The following CCDC93 variants were observed in gnomAD, a reference collection of about 807,000 sequenced individuals.
The protein encoded by CCDC93 is CCC complex scaffolding subunit CCDC93.
CCDC93 carries 61 observed loss-of-function variants against 108.2 expected under a neutral mutation model. The observed-to-expected ratio is 0.56, with a 90% CI of 0.46 to 0.70. The LOEUF is 0.70. CCDC93 is among the 30% of genes least tolerant of loss of function. The pLI, the probability that CCDC93 is intolerant of heterozygous loss-of-function variation, is 0.00. For missense variants in CCDC93, 685 were observed against 764.2 expected (o/e 0.90, Z 1.22); for synonymous variants, 276 against 260.4 (o/e 1.06, Z -0.58).
At chr2:118,009,350 G>A (rs148229788) in intron 1 of CCDC93, among the ~76,000 whole-genome samples, 4 of 151,898 alleles carry the variant, frequency 2.6e-5, no homozygotes, top group Non-Finnish European at 5.9e-5. Context: ...CAGCCTGGAC[G>A]ACAGAGCAAG....
chr2:117,943,721 C>T (rs539671927), intron 18 of CCDC93, among the ~76,000 whole-genome samples: 60 of 152,314 alleles, frequency 3.9e-4, no homozygotes, highest in Non-Finnish European at 5.9e-4. Context: ...CACAAACTGC[C>T]GGTTATCCAA....
intron 12 of CCDC93, among the ~76,000 whole-genome samples, chr2:117,955,479 G>T (rs1164572518): frequency 6.6e-6 from 1 of 152,196 alleles, no homozygotes; most frequent in East Asian, 1.9e-4. Flanking sequence ...CATTTTTTGA[G>T]AAGTTAGGGA....
intron 11 of CCDC93, among the ~76,000 whole-genome samples, chr2:117,972,977 C>T (rs563566094): frequency 6.6e-6 from 1 of 152,278 alleles, no homozygotes; most frequent in South Asian, 2.1e-4. Flanking sequence ...AGCTGTTTTA[C>T]TCACTCATAT....
rs17047622 is a variant in CCDC93 at position 117,995,268 on chromosome 2, C to T, written c.519+178G>A. ...GTGTGGCAGGTTCTCCCTGTGCATA[C>T]TGGTGTCCTGGCCCTGAGCAGTAAA... On this transcript the variant is annotated intron_variant, in intron 6 of 23. Coordinates refer to ENST00000376300, the MANE Select transcript of CCDC93 (RefSeq NM_019044.5). 1.5e-3 allele frequency: 980 copies of T among 632,954 alleles called. 9 individuals are homozygous for T. The African/African-American group carries it at 0.016, about 10-fold the overall frequency. 39.2% of individuals were successfully genotyped at this position (632,954 alleles called of 1,614,324 possible).
In CCDC93 at chr2:117,917,022, T is replaced by G. The variant is rs544168219; in HGVS notation, c.*3321A>C. 3.3e-5 allele frequency: 5 copies of G among 152,368 alleles called. No individual in the cohort carries two copies. 9.4% of individuals were successfully genotyped at this position (152,368 alleles called of 1,614,324 possible). Reference sequence around the variant, plus strand: ...GCCAACACCAGCCATGAGTAAATCATAAAGTGCTTCCTTAAAGTGTTCTTC... The same window carrying G: ...GCCAACACCAGCCATGAGTAAATCAGAAAGTGCTTCCTTAAAGTGTTCTTC... On this transcript the variant is annotated 3_prime_UTR_variant, in exon 24 of 24. Transcript: ENST00000376300.
At chr2:117,961,345 G>T (rs1679384782) in intron 11 of CCDC93, among the ~76,000 whole-genome samples, 1 of 152,128 alleles carries the variant, frequency 6.6e-6, no homozygotes, top group Non-Finnish European at 1.5e-5. Flanking sequence ...TTATTGGTAG[G>T]TAATAATTCT....
intron 6 of CCDC93, among the ~76,000 whole-genome samples, chr2:117,986,440 A>G (rs1680322238): frequency 6.6e-6 from 1 of 152,054 alleles, no homozygotes; most frequent in African/African-American, 2.4e-5. Flanking sequence ...TACCCTAGTA[A>G]TATCTGCTCA....
intron 23 of CCDC93, among the ~76,000 whole-genome samples, chr2:117,928,178 C>A (rs6755788): frequency 4.6e-5 from 7 of 151,912 alleles, no homozygotes; most frequent in Non-Finnish European, 7.4e-5. Flanking sequence ...ACCTAGGCAA[C>A]ACCATTCAGG....
intron 11 of CCDC93, 27 bp from the exon 12 acceptor site, chr2:117,958,508 A>C: frequency 7.5e-7 from 1 of 1,325,550 alleles, no homozygotes; most frequent in Non-Finnish European, 1.1e-6. Context: ...TGGCAAATCC[A>C]AAGGATTTAG....
At position 117,944,026 on chromosome 2, in the gene CCDC93, G is replaced by A; in HGVS notation, c.1411C>T (p.Gln471Ter). 1 of 1,598,420 alleles carries A rather than the reference G, an allele frequency of 6.3e-7. No homozygotes were observed. Residue 471 changes from glutamine (Q) to a stop codon, truncating the protein, a stop_gained and splice_region_variant, in exon 18 of 24, where the codon CAG (glutamine) becomes TAG (stop). Coordinates refer to ENST00000376300, the MANE Select transcript of CCDC93 (RefSeq NM_019044.5). LOFTEE classifies it high-confidence loss of function. ...ATTTTTGTCCTTCTTTTACTCACCT[G>A]TAGTAAACGTATCTTGTAAAGTTTC... ...KEKLYKIRLLQARRNREIAIL... is the reference protein window; with the variant it reads ...KEKLYKIRLL
chr2:117,967,644 A>G (rs1321889714), intron 11 of CCDC93, among the ~76,000 whole-genome samples: 2 of 152,228 alleles, frequency 1.3e-5, no homozygotes, highest in African/African-American at 2.4e-5. Flanking sequence ...AAGATTGCAA[A>G]GTCAAAACAG....
intron 23 of CCDC93, among the ~76,000 whole-genome samples, chr2:117,926,044 G>C (rs1369261802): frequency 6.6e-6 from 1 of 152,170 alleles, no homozygotes; most frequent in East Asian, 1.9e-4. Context: ...CATGAAGGTA[G>C]AGATAAAGAT....
chr2:117,929,661 G>A (rs1678259411), intron 23 of CCDC93, among the ~76,000 whole-genome samples: 1 of 152,154 alleles, frequency 6.6e-6, no homozygotes, highest in South Asian at 2.1e-4. Context: ...TGATTAAAGG[G>A]AACGAGGAGC....
chr2:117,929,962 G>A (rs1217732713), intron 23 of CCDC93, among the ~76,000 whole-genome samples: 1 of 152,190 alleles, frequency 6.6e-6, no homozygotes, highest in Non-Finnish European at 1.5e-5. Flanking sequence ...CTTGCCATCC[G>A]TCTCTCCCAC....
intron 7 of CCDC93, among the ~76,000 whole-genome samples, chr2:117,985,146 C>CA (rs11299175): frequency 0.016 from 2,208 of 140,938 alleles, 36 homozygotes; most frequent in African/African-American, 0.039. Context: ...CAAAACAAAA[C>CA]AAAAAAAAAA....
chr2:117,972,990 G>A (rs930178563), intron 11 of CCDC93, among the ~76,000 whole-genome samples: 2 of 152,082 alleles, frequency 1.3e-5, no homozygotes, highest in African/African-American at 2.4e-5. Flanking sequence ...ACTCATATTC[G>A]CTTGCACAAG....
At chr2:117,972,634 G>A (rs2104778597) in intron 11 of CCDC93, among the ~76,000 whole-genome samples, 1 of 151,912 alleles carries the variant, frequency 6.6e-6, no homozygotes, top group African/African-American at 2.4e-5. Flanking sequence ...GAAAAACTGG[G>A]TTCAGCAATG....
intron 22 of CCDC93, 31 bp downstream of exon 22, chr2:117,935,464 G>T (rs889792025): frequency 1.4e-5 from 22 of 1,527,256 alleles, no homozygotes; most frequent in Non-Finnish European, 1.9e-5. Flanking sequence ...TATAAAACCT[G>T]GGCTGCATTA....
intron 7 of CCDC93, among the ~76,000 whole-genome samples, chr2:117,983,561 T>C (rs1337019327): frequency 7.2e-6 from 1 of 139,538 alleles, no homozygotes; most frequent in South Asian, 2.3e-4. Context: ...ATGATTATAA[T>C]AAGGAGAATG....
Sources: gnomAD v4.1 joint callset for allele counts (sites outside exome capture counted in the v4.1 genomes callset) on GRCh38, gnomAD v4.1.1 for gene constraint, MANE v1.5 for transcripts, NCBI Gene and HGNC (gene_info 2026-07-23, HGNC 2026-07-21) for gene names.